IDH3A: variants seen among roughly 807,000 people sequenced by gnomAD.
The protein encoded by IDH3A is isocitrate dehydrogenase (NAD(+)) 3 catalytic subunit alpha.
Under a neutral mutation model 43.3 loss-of-function variants are expected in IDH3A, and 23 were observed. The ratio of observed to expected loss-of-function variants is 0.53; its 90% CI spans 0.38 to 0.75. The LOEUF is 0.75. Among genes scored for constraint, IDH3A ranks in the 30% least tolerant of loss-of-function variants. The probability of loss-of-function intolerance (pLI) is 0.00; values close to 1 mark genes in which losing one functional copy is unlikely to be tolerated. For missense variants in IDH3A, 329 were observed against 474.4 expected (o/e 0.69, Z 2.85); for synonymous variants, 154 against 163.5 (o/e 0.94, Z 0.44).
At chr15:78,163,405 CT>C in intron 6 of IDH3A, 101 bp from the exon 7 acceptor site, 1 of 748,024 alleles carries the variant, frequency 1.3e-6, no homozygotes, top group Non-Finnish European at 2.2e-6. Context: ...GGTAGCTTGG[CT>C]TCTGGAACTT....
At position 78,161,664 on chromosome 15, in the gene IDH3A, C is replaced by T. The variant is rs753999676; in HGVS notation, c.373C>T (p.Arg125Ter). ...RKTFDLYANVRPCVSIEGYKT... is the reference protein window; with the variant it reads ...RKTFDLYANV ...AACATTTGACCTTTACGCGAATGTC[C>T]GACCATGTGTCTCTATCGAAGGCTA... The change falls in exon 5 of 11, where the codon CGA becomes TGA. Residue 125 changes from arginine (R) to a stop codon, truncating the protein, a stop_gained. Transcript: ENST00000299518. LOFTEE classifies it high-confidence loss of function. This position sits in a 1 kb window ranked among gnomAD's most constrained non-coding sequence, Gnocchi z 4.8. 2 of 1,614,048 alleles carry T rather than the reference C, an allele frequency of 1.2e-6. No homozygotes were observed. The highest frequency in any genetic ancestry group is 2.2e-5 in the East Asian group (1 of 44,880).
intron 1 of IDH3A, among the ~76,000 whole-genome samples, chr15:78,150,218 A>G (rs1031549336): frequency 1.3e-5 from 2 of 152,194 alleles, no homozygotes; most frequent in African/African-American, 4.8e-5. Context: ...GCAGTTCCGT[A>G]GCTTCTCAGT....
chr15:78,159,170 G>GT (rs1470137124), intron 3 of IDH3A, among the ~76,000 whole-genome samples: 1 of 152,108 alleles, frequency 6.6e-6, no homozygotes, highest in Non-Finnish European at 1.5e-5. Flanking sequence ...CAATCCAGTG[G>GT]TTTTTAGTAC....
At chr15:78,159,658 A>G (rs1352590608) in intron 3 of IDH3A, among the ~76,000 whole-genome samples, 1 of 152,160 alleles carries the variant, frequency 6.6e-6, no homozygotes, top group Middle Eastern at 3.2e-3. Context: ...GCATGCCAGG[A>G]ACCTTCTGGA....
intron 1 of IDH3A, 99 bp downstream of exon 1, chr15:78,149,529 CAG>C (rs2074555262): frequency 9.1e-7 from 1 of 1,096,048 alleles, no homozygotes; most frequent in Middle Eastern, 2.9e-4. Flanking sequence ...GTGGGCCAGA[CAG>C]GGAGGCGGTG....
chr15:78,155,959 A>G (rs1468381636), intron 2 of IDH3A, among the ~76,000 whole-genome samples: 1 of 152,218 alleles, frequency 6.6e-6, no homozygotes, highest in Non-Finnish European at 1.5e-5. Context: ...ACTCCCATAT[A>G]ACATCTATGC....
At position 78,166,249 on chromosome 15, in the gene IDH3A, G is replaced by C; in HGVS notation, c.964G>C (p.Asp322His). Residue 322 changes from aspartate (D) to histidine (H), a missense_variant, in exon 10 of 11, where the codon GAC (aspartate) becomes CAC (histidine). Asp to His is a moderately conservative substitution (Grantham distance 81, BLOSUM62 -1). Around this residue, in one of 3 missense-constraint regions of IDH3A, gnomAD observed 91 missense variants for 111.6 expected, o/e 0.82. Transcript: ENST00000299518. ...VMMLRHMGLFDHAARIEAACF... is the reference protein window; with the variant it reads ...VMMLRHMGLFHHAARIEAACF... Reference sequence around the variant, plus strand: ...GATGCTGCGCCACATGGGACTTTTTGACCATGCTGCAAGAATTGAGGCTGC... The same window carrying C: ...GATGCTGCGCCACATGGGACTTTTTCACCATGCTGCAAGAATTGAGGCTGC... 6.2e-7 allele frequency: 1 copy of C among 1,614,116 alleles called. No individual in the cohort carries two copies. The highest frequency in any genetic ancestry group is 1.3e-5 in the African/African-American group (1 of 75,034).
Position 78,169,729 on chromosome 15 carries a change from G to A in IDH3A, c.*724G>A, listed in dbSNP as rs2074795711. The A allele has an allele frequency of 6.6e-6, 1 of 152,172 alleles. No homozygotes were observed. The highest frequency in any genetic ancestry group is 1.5e-5 in the Non-Finnish European group (1 of 68,026). 9.4% of individuals were successfully genotyped at this position (152,172 alleles called of 1,614,324 possible). Reference sequence around the variant, plus strand: ...TTGAGATTTAATATTCTTTCCAAGAGCTTTTAATGAAGCAGAGAGCTAGTA... The same window carrying A: ...TTGAGATTTAATATTCTTTCCAAGAACTTTTAATGAAGCAGAGAGCTAGTA... On this transcript the variant is annotated 3_prime_UTR_variant, in exon 11 of 11. Transcript: ENST00000299518.
rs568536769 is a variant in IDH3A at position 78,164,124 on chromosome 15, A to G, written c.779+344A>G. On this transcript the variant is annotated intron_variant, in intron 8 of 10. Coordinates refer to ENST00000299518, the MANE Select transcript of IDH3A (RefSeq NM_005530.3). ...TTACTATTTTTTGGTAACTTTTGAC[A>G]TAATTTCAGACTTACAGAAAAGTTG... Among the ~76,000 whole-genome samples, 24 of 152,306 alleles carry G rather than the reference A, an allele frequency of 1.6e-4. 1 individual carries two copies. The highest frequency in any genetic ancestry group is 6.2e-4 in the South Asian group (3 of 4,822).
At chr15:78,167,067 G>C (rs2074752431) in intron 10 of IDH3A, among the ~76,000 whole-genome samples, 1 of 152,234 alleles carries the variant, frequency 6.6e-6, no homozygotes, top group African/African-American at 2.4e-5. Context: ...TCTAGTGGCA[G>C]ATACAGATGC....
chr15:78,164,940 G>A, intron 8 of IDH3A, 52 bp from the exon 9 acceptor site: 1 of 1,379,086 alleles, frequency 7.3e-7, no homozygotes, highest in Non-Finnish European at 1.0e-6. Flanking sequence ...TGGGTGCTAG[G>A]TGAGATGTTT....
At chr15:78,164,881 AG>A (rs142283768) in intron 8 of IDH3A, 110 bp from the exon 9 acceptor site, 1 of 801,382 alleles carries the variant, frequency 1.2e-6, no homozygotes, top group East Asian at 2.5e-5. Flanking sequence ...CATTTATCCA[AG>A]GAATGCTACT....
Position 78,150,753 on chromosome 15 carries a change from GAC to G in IDH3A, c.27+1325_27+1326del, listed in dbSNP as rs1377148403. The G allele has an allele frequency of 4.0e-5, 6 of 149,382 alleles. No homozygotes were observed. In the East Asian group the frequency reaches 9.6e-4, roughly 24 times the overall value. 9.3% of individuals were successfully genotyped at this position (149,382 alleles called of 1,614,324 possible). On this transcript the variant is annotated intron_variant, in intron 1 of 10. Transcript: ENST00000299518. ...TCAATATGTTTATCTGTCTCCAACA[GAC>G]AGTGGTTTTCATGGGCATCATTAAC... is the stretch of plus-strand genomic sequence containing the variant.
At chr15:78,149,566 G>T (rs2074555622) in intron 1 of IDH3A, 136 bp downstream of exon 1, 10 of 696,624 alleles carry the variant, frequency 1.4e-5, no homozygotes, top group Non-Finnish European at 2.2e-5. Flanking sequence ...CAGCTTGGGA[G>T]CCGGTCCTGG....
intron 2 of IDH3A, chr15:78,157,176 G>C: frequency 9.0e-7 from 1 of 1,108,326 alleles, no homozygotes; most frequent in African/African-American, 1.7e-5. Flanking sequence ...AGAGAACATT[G>C]TTAATTTTTT....
chr15:78,166,731 A>G (rs11638921), intron 10 of IDH3A, among the ~76,000 whole-genome samples: 65,921 of 152,020 alleles, frequency 0.43, 14,541 homozygotes, highest in Middle Eastern at 0.49. Flanking sequence ...TCCCGGGTTC[A>G]AGCAGTTCTC....
rs1016693334 is a variant in IDH3A at position 78,171,101 on chromosome 15, G to C, written c.*2096G>C. The C allele has an allele frequency of 1.8e-4, 35 of 190,780 alleles. No individual in the cohort carries two copies. Among genetic ancestry groups the C allele is most frequent in the Non-Finnish European group, 2.2e-5 (2 of 91,564 alleles). 11.8% of individuals were successfully genotyped at this position (190,780 alleles called of 1,614,324 possible). On this transcript the variant is annotated 3_prime_UTR_variant, in exon 11 of 11. Coordinates refer to ENST00000299518, the MANE Select transcript of IDH3A (RefSeq NM_005530.3). ...TCTCCTACCCGCTCCACAGCCTACT[G>C]CTGGCTGTCCTGTATGTGAGCTAGC...
Position 78,149,399 on chromosome 15 carries a change from A to G in IDH3A, c.-5A>G, listed in dbSNP as rs777434125. ...GCTGTTGCTGCGGAGCCAGGAGGGG[A>G]AGCGATGGCTGGGCCCGCGTGGATC... On this transcript the variant is annotated 5_prime_UTR_variant, in exon 1 of 11. Coordinates refer to ENST00000299518, the MANE Select transcript of IDH3A (RefSeq NM_005530.3). The G allele has an allele frequency of 1.3e-6, 2 of 1,548,564 alleles. No individual in the cohort carries two copies. Among genetic ancestry groups the G allele is most frequent in the South Asian group, 2.4e-5 (2 of 84,598 alleles).
chr15:78,151,793 T>TGA (rs1391765810), intron 1 of IDH3A, among the ~76,000 whole-genome samples: 2 of 146,600 alleles, frequency 1.4e-5, no homozygotes, highest in Non-Finnish European at 3.0e-5. Context: ...TAAAATGATG[T>TGA]GAGATATATA....
Sources: allele counts gnomAD v4.1 joint callset (sites outside exome capture counted in the v4.1 genomes callset), GRCh38; gene constraint gnomAD v4.1.1; regional missense constraint gnomAD v4.1.1; non-coding constraint Gnocchi (gnomAD v3.1); transcripts MANE v1.5; gene names NCBI Gene and HGNC (gene_info 2026-07-23, HGNC 2026-07-21).